Variants in GSTM4 observed in about 807,000 individuals in gnomAD.
The protein encoded by GSTM4 is GST class-mu 4.
GSTM4 carries 27 observed loss-of-function variants against 30.1 expected under a neutral mutation model. The ratio of observed to expected loss-of-function variants is 0.90; its 90% CI spans 0.66 to 1.24. The LOEUF (loss-of-function observed/expected upper bound fraction) is 1.24. Among genes scored for constraint, GSTM4 ranks in the 50% most tolerant of loss-of-function variants. GSTM4 has a pLI of 0.00. For missense variants in GSTM4, 238 were observed against 272.1 expected (o/e 0.87, Z 0.88); for synonymous variants, 94 against 96.2 (o/e 0.98, Z 0.13).
At position 109,657,912 on chromosome 1, in the gene GSTM4, A is replaced by G. The variant is rs1240747884; in HGVS notation, c.360+40A>G. The G allele has an allele frequency of 1.9e-6, 3 of 1,549,752 alleles. No homozygotes were observed. In the South Asian group the frequency reaches 3.3e-5, roughly 17 times the overall value. ...GGTCTGGACCAGAAGCCAGGCTTGTATTCCCATCTACTCTGGTCCTATTCA... is the reference window on the plus strand; with the variant it reads ...GGTCTGGACCAGAAGCCAGGCTTGTGTTCCCATCTACTCTGGTCCTATTCA... On this transcript the variant is annotated intron_variant, in intron 5 of 7. Coordinates refer to ENST00000369836, the MANE Select transcript of GSTM4 (RefSeq NM_000850.5).
At chr1:109,657,529 G>C (rs750024284) in intron 3 of GSTM4, 61 bp from the exon 4 acceptor site, 3 of 1,610,672 alleles carry the variant, frequency 1.9e-6, no homozygotes, top group Non-Finnish European at 2.5e-6. Context: ...TTGCATATGG[G>C]AAGGGGATGC....
chr1:109,656,271 AGCGGGGCC>A lies in GSTM4; in HGVS notation c.-117_-110del. 1.0e-6 allele frequency: 1 copy of A among 968,542 alleles called. No individual in the cohort carries two copies. The allele number at this position is 968,542 out of a possible 1,614,324, so 60.0% of individuals were successfully genotyped here. ...GACGACCTTGAAGATCGGCGGGCGC[AGCGGGGCC>A]GAGGGGGCGGGTCTGGCGCTAGGTC... is the stretch of plus-strand genomic sequence containing the variant. On this transcript the variant is annotated 5_prime_UTR_variant, in exon 1 of 8. Transcript: ENST00000369836.
chr1:109,659,296 G>A (rs560082725), intron 7 of GSTM4, 186 bp downstream of exon 7: 1 of 1,573,052 alleles, frequency 6.4e-7, no homozygotes, highest in East Asian at 2.3e-5. Context: ...ATTCCTACAG[G>A]GTGACAGAAT....
intron 5 of GSTM4, 59 bp from the exon 6 acceptor site, chr1:109,658,755 G>A: frequency 8.0e-7 from 1 of 1,242,254 alleles, no homozygotes; most frequent in Non-Finnish European, 1.2e-6. Flanking sequence ...GCCCTGGGGA[G>A]GCCACATCTG....
chr1:109,666,855 A>G (rs1216985856), downstream of GSTM4, among the ~76,000 whole-genome samples: 1 of 152,150 alleles, frequency 6.6e-6, no homozygotes, highest in East Asian at 1.9e-4. Context: ...CTTCCTGAGT[A>G]GCTGGGATTA....
intron 1 of GSTM4, 66 bp downstream of exon 1, chr1:109,656,491 C>A: frequency 6.4e-7 from 1 of 1,564,638 alleles, no homozygotes; most frequent in Non-Finnish European, 8.8e-7. Context: ...CGGCTGGGGA[C>A]CGGCTCTAGG....
intron 2 of GSTM4, 79 bp from the exon 3 acceptor site, chr1:109,657,136 C>G: frequency 6.7e-7 from 1 of 1,486,390 alleles, no homozygotes; most frequent in Non-Finnish European, 9.4e-7. Flanking sequence ...GATCTTGCCA[C>G]TGGTTCCTTG....
In GSTM4 at chr1:109,661,394, C is replaced by G; in HGVS notation, c.*140C>G. 6.5e-7 allele frequency: 1 copy of G among 1,532,496 alleles called. No individual in the cohort carries two copies. Among genetic ancestry groups the G allele is most frequent in the Non-Finnish European group, 8.8e-7 (1 of 1,138,280 alleles). 94.9% of individuals were successfully genotyped at this position (1,532,496 alleles called of 1,614,324 possible). A position where few individuals can be genotyped will look rare whatever the true frequency, so the allele number is the denominator to read the frequency against. ...TTTATTCCCATCTTTACCCCCAAGA[C>G]TTTATTGGGCCTCTTCACTTCCCCT... is the stretch of plus-strand genomic sequence containing the variant. On this transcript the variant is annotated 3_prime_UTR_variant, in exon 8 of 8. Transcript: ENST00000369836.
chr1:109,667,224 C>A (rs1647359434), downstream of GSTM4, among the ~76,000 whole-genome samples: 1 of 150,424 alleles, frequency 6.6e-6, no homozygotes, highest in Non-Finnish European at 1.5e-5. Flanking sequence ...CATAATATAA[C>A]TCATGTAGTT....
At chr1:109,659,708 C>T in intron 7 of GSTM4, 1 of 393,132 alleles carries the variant, frequency 2.5e-6, no homozygotes, top group Non-Finnish European at 4.9e-6. Context: ...GTGGGTGCCC[C>T]TGTTGAAGGA....
At chr1:109,665,037 A>G, downstream of GSTM4, 6 of 1,548,040 alleles carry the variant, frequency 3.9e-6, no homozygotes, top group Non-Finnish European at 4.5e-6. Flanking sequence ...TGTGATGGTC[A>G]ATTTTCTGCA....
intron 7 of GSTM4, chr1:109,659,336 TTGAA>T: frequency 6.6e-7 from 1 of 1,523,520 alleles, no homozygotes; most frequent in Non-Finnish European, 8.8e-7. Context: ...TAAGAAAACT[TTGAA>T]TGAGAGGGTC....
At chr1:109,667,714 A>T (rs546655552), downstream of GSTM4, among the ~76,000 whole-genome samples, 1 of 152,226 alleles carries the variant, frequency 6.6e-6, no homozygotes, top group Admixed American at 6.5e-5. Context: ...CTGAGCACCA[A>T]ATGTTCTTTT....
intron 7 of GSTM4, chr1:109,659,562 C>A (rs1652207196): frequency 2.1e-6 from 1 of 470,816 alleles, no homozygotes; most frequent in South Asian, 2.3e-5. Context: ...AGGACTGACA[C>A]ACGGTGGCAT....
downstream of GSTM4, among the ~76,000 whole-genome samples, chr1:109,664,585 C>T (rs1647237395): frequency 6.6e-6 from 1 of 151,756 alleles, no homozygotes; most frequent in South Asian, 2.1e-4. Flanking sequence ...GTCTCGAACT[C>T]CTGACCTCAC....
At position 109,658,994 on chromosome 1, in the gene GSTM4, C is replaced by T. The variant is rs778391389; in HGVS notation, c.457-6C>T. On this transcript the variant is annotated splice_region_variant and splice_polypyrimidine_tract_variant and intron_variant, in intron 6 of 7. Transcript: ENST00000369836. ...TTCCAGCCCACACATTCTTGGCCTT[C>T]TGCAGATCACCTTTGTAGATTTCCT... is the stretch of plus-strand genomic sequence containing the variant. 86 of 1,614,074 alleles carry T rather than the reference C, an allele frequency of 5.3e-5. No individual in the cohort carries two copies. Among genetic ancestry groups the T allele is most frequent in the Non-Finnish European group, 6.7e-5 (79 of 1,179,994 alleles).
intron 5 of GSTM4, 85 bp from the exon 6 acceptor site, chr1:109,658,729 G>T: frequency 2.1e-6 from 2 of 949,202 alleles, no homozygotes; most frequent in Non-Finnish European, 3.4e-6. Context: ...CTCGTGGCCA[G>T]CTGGGGCCAT....
intron 5 of GSTM4, chr1:109,658,218 G>C (rs1312093204): frequency 1.5e-5 from 5 of 331,118 alleles, no homozygotes; most frequent in Non-Finnish European, 2.8e-5. Flanking sequence ...ATGGGGTAAA[G>C]AAGTATGTAG....
chr1:109,659,756 T>C (rs925616442), intron 7 of GSTM4: 11 of 480,144 alleles, frequency 2.3e-5, no homozygotes, highest in Non-Finnish European at 4.4e-5. Flanking sequence ...GCACTCTCCT[T>C]CTTTATCTTT....
Sources: allele counts gnomAD v4.1 joint callset (sites outside exome capture counted in the v4.1 genomes callset), GRCh38; gene constraint gnomAD v4.1.1; transcripts MANE v1.5; gene names NCBI Gene and HGNC (gene_info 2026-07-23, HGNC 2026-07-21).